Variants in ANKS1B observed in about 807,000 individuals in gnomAD.
ANKS1B encodes ankyrin repeat and sterile alpha motif domain containing 1B, also known as ankyrin repeat and sterile alpha motif domain-containing protein 1B.
A neutral mutation model predicts 148.3 loss-of-function variants in ANKS1B; 36 were observed. The observed-to-expected ratio is 0.24, with a 90% confidence interval of 0.19 to 0.32. The LOEUF is 0.32. ANKS1B is among the 10% of genes least tolerant of loss of function. The pLI, the probability that ANKS1B is intolerant of heterozygous loss-of-function variation, is 1.00. For synonymous variants in ANKS1B, 542 were observed against 560.8 expected (o/e 0.97, Z 0.47); for missense variants, 1,157 against 1,542.6 (o/e 0.75, Z 4.19).
chr12:99,042,039 A>G (rs886694808), intron 17 of ANKS1B, among the ~76,000 whole-genome samples: 2 of 151,962 alleles, frequency 1.3e-5, no homozygotes, highest in Non-Finnish European at 2.9e-5. Flanking sequence ...AAAATAAAAC[A>G]AAAAAACCCA....
chr12:98,756,078 C>T (rs1226347304), intron 25 of ANKS1B, among the ~76,000 whole-genome samples: 4 of 152,152 alleles, frequency 2.6e-5, no homozygotes, highest in East Asian at 1.9e-4. Flanking sequence ...TGGCTGGATG[C>T]GGTGACTCAC....
At chr12:99,609,371 G>A (rs1056795777) in intron 9 of ANKS1B, among the ~76,000 whole-genome samples, 12 of 151,798 alleles carry the variant, frequency 7.9e-5, no homozygotes, top group East Asian at 1.9e-4. Context: ...AGTCTTTTAC[G>A]ACTTAACCAG....
At position 99,260,212 on chromosome 12, in the gene ANKS1B, CA is replaced by C. The variant is rs1410532060; in HGVS notation, c.1757-13349del. On this transcript the variant is annotated intron_variant, in intron 12 of 26. Coordinates refer to ENST00000683438, the MANE Select transcript of ANKS1B (RefSeq NM_001352186.2). ...AAAGAACTATTCTGAAGAAATAAAA[CA>C]AAAAAAGATCTACGATCTTTAAATA... is the stretch of plus-strand genomic sequence containing the variant. 2.6e-5 allele frequency among the ~76,000 whole-genome samples: 4 copies of C among 151,436 alleles called. No individual in the cohort carries two copies. In the East Asian group the frequency reaches 5.8e-4, roughly 22 times the overall value.
intron 9 of ANKS1B, chr12:99,648,824 G>T: frequency 1.3e-6 from 2 of 1,578,468 alleles, no homozygotes; most frequent in East Asian, 2.3e-5. Context: ...GGGCCTGGAT[G>T]CTTTGGGGGA....
At chr12:99,666,763 A>G (rs941090007) in intron 8 of ANKS1B, among the ~76,000 whole-genome samples, 1 of 152,012 alleles carries the variant, frequency 6.6e-6, no homozygotes, top group Non-Finnish European at 1.5e-5. Flanking sequence ...GTACATATTT[A>G]AGGTGTATGG....
chr12:99,473,053 A>G (rs2096265997), intron 10 of ANKS1B, among the ~76,000 whole-genome samples: 3 of 152,028 alleles, frequency 2.0e-5, no homozygotes, highest in Admixed American at 2.0e-4. Context: ...TCTCTTTTAT[A>G]TCCTGTCACA....
chr12:99,699,517 C>G (rs1475048826), intron 8 of ANKS1B, among the ~76,000 whole-genome samples: 1 of 152,122 alleles, frequency 6.6e-6, no homozygotes, highest in African/African-American at 2.4e-5. Context: ...GCATTATGCA[C>G]AGTGGTTGCA....
chr12:99,221,154 AT>A (rs1299202827), intron 14 of ANKS1B, among the ~76,000 whole-genome samples: 2 of 152,092 alleles, frequency 1.3e-5, no homozygotes, highest in African/African-American at 4.8e-5. Flanking sequence ...CCTGGCTAAC[AT>A]GGTAAAACCC....
At chr12:99,539,535 A>G (rs564690001) in intron 9 of ANKS1B, among the ~76,000 whole-genome samples, 21 of 152,214 alleles carry the variant, frequency 1.4e-4, no homozygotes, top group Non-Finnish European at 2.6e-4. Context: ...ATAAACTAGA[A>G]AATATCTATT....
At chr12:99,593,423 T>TAAC (rs1744577400) in intron 9 of ANKS1B, among the ~76,000 whole-genome samples, 2 of 152,112 alleles carry the variant, frequency 1.3e-5, no homozygotes, top group East Asian at 3.9e-4. Context: ...AGCACAATAA[T>TAAC]ATAATTTATA....
At chr12:99,763,508 G>A (rs1601663367) in intron 8 of ANKS1B, among the ~76,000 whole-genome samples, 1 of 152,202 alleles carries the variant, frequency 6.6e-6, no homozygotes, top group Admixed American at 6.5e-5. Flanking sequence ...ACTTGCGGGT[G>A]TAGCACGGGA....
At chr12:99,427,276 T>C (rs1173366658) in intron 11 of ANKS1B, among the ~76,000 whole-genome samples, 1 of 152,232 alleles carries the variant, frequency 6.6e-6, no homozygotes, top group African/African-American at 2.4e-5. Flanking sequence ...CATGACCTCA[T>C]TGGCTCTCTG....
chr12:99,889,443 A>G (rs903339049), intron 1 of ANKS1B, among the ~76,000 whole-genome samples: 1 of 152,194 alleles, frequency 6.6e-6, no homozygotes, highest in Non-Finnish European at 1.5e-5. Context: ...TTTTTTGCAT[A>G]TATGTCACCA....
At chr12:99,684,811 A>G (rs934970266) in intron 8 of ANKS1B, among the ~76,000 whole-genome samples, 1 of 152,146 alleles carries the variant, frequency 6.6e-6, no homozygotes, top group Non-Finnish European at 1.5e-5. Flanking sequence ...AAGCAAACAA[A>G]AATATAATGT....
intron 10 of ANKS1B, among the ~76,000 whole-genome samples, chr12:99,452,643 T>G (rs1374366388): frequency 6.6e-6 from 1 of 152,220 alleles, no homozygotes; most frequent in Non-Finnish European, 1.5e-5. Flanking sequence ...GTATCCTGTT[T>G]CAGTATTTTC....
intron 19 of ANKS1B, among the ~76,000 whole-genome samples, chr12:98,828,915 C>G (rs2099272548): frequency 6.6e-6 from 1 of 152,162 alleles, no homozygotes; most frequent in African/African-American, 2.4e-5. Context: ...CCCTTCAGGG[C>G]AAAGACTTTC....
intron 11 of ANKS1B, among the ~76,000 whole-genome samples, chr12:99,419,437 C>T (rs1411282694): frequency 1.3e-5 from 2 of 152,136 alleles, no homozygotes; most frequent in Non-Finnish European, 2.9e-5. Flanking sequence ...TCTTCAGGGT[C>T]TGTAGTGACA....
intron 14 of ANKS1B, among the ~76,000 whole-genome samples, chr12:99,191,576 C>T (rs894076468): frequency 4.6e-5 from 7 of 152,002 alleles, no homozygotes; most frequent in African/African-American, 1.7e-4. Context: ...CCATCATTCT[C>T]AGCAAACTAA....
chr12:99,737,831 C>T (rs551204220), intron 8 of ANKS1B, among the ~76,000 whole-genome samples: 2 of 151,922 alleles, frequency 1.3e-5, no homozygotes, highest in East Asian at 3.9e-4. Context: ...ATTCAATTGC[C>T]CTGGGCAATC....
Sources: gnomAD v4.1 joint callset for allele counts (sites outside exome capture counted in the v4.1 genomes callset) on GRCh38, gnomAD v4.1.1 for gene constraint, MANE v1.5 for transcripts, NCBI Gene and HGNC (gene_info 2026-07-23, HGNC 2026-07-21) for gene names.